ZBTB7C: variants seen among roughly 807,000 people sequenced by gnomAD.
ZBTB7C encodes the protein zinc finger and BTB domain containing 7C.
In ZBTB7C, 8 loss-of-function variants were observed where a neutral mutation model predicts 25.7. That is an observed-to-expected ratio of 0.31 (90% CI 0.18 to 0.56). ZBTB7C has a LOEUF of 0.56. ZBTB7C is among the 20% of genes least tolerant of loss of function. ZBTB7C has a pLI of 0.91. For synonymous variants in ZBTB7C, 394 were observed against 369.0 expected, an observed-to-expected ratio of 1.07 and a Z score of -0.78; for missense variants, 824 against 855.2, an observed-to-expected ratio of 0.96 and a Z score of 0.46.
chr18:48,047,653 C>T (rs1040955171), intron 3 of ZBTB7C, among the ~76,000 whole-genome samples: 10 of 152,168 alleles, frequency 6.6e-5, no homozygotes, highest in African/African-American at 9.7e-5. Flanking sequence ...AATGGCACTT[C>T]CCTCTCTGGG....
At chr18:48,204,036 G>T (rs1252191671) in intron 2 of ZBTB7C, among the ~76,000 whole-genome samples, 1 of 152,194 alleles carries the variant, frequency 6.6e-6, no homozygotes, top group East Asian at 1.9e-4. Context: ...GTGTGAAGCT[G>T]CTCTTGCACA....
At position 48,034,703 on chromosome 18, in the gene ZBTB7C, A is replaced by T. The variant is rs142887855; in HGVS notation, c.1209-4792T>A. On this transcript the variant is annotated intron_variant, in intron 4 of 4. Transcript: ENST00000590800. ...CCAATTTCAGAACTCTCCGACTACA[A>T]ATCCAACATGCTCCCCTCTGGCCCT... Among the ~76,000 whole-genome samples, 167 of 152,236 alleles carry T rather than the reference A, an allele frequency of 1.1e-3. 2 individuals carry two copies. Among genetic ancestry groups the T allele is most frequent in the African/African-American group, 3.8e-3 (156 of 41,534 alleles).
chr18:48,053,413 T>A (rs1179399908), intron 3 of ZBTB7C, among the ~76,000 whole-genome samples: 1 of 152,238 alleles, frequency 6.6e-6, no homozygotes, highest in Non-Finnish European at 1.5e-5. Flanking sequence ...ATTCTGAGAT[T>A]CCTTCACCTT....
chr18:48,087,935 C>T (rs2038257208), intron 3 of ZBTB7C: 2 of 151,004 alleles, frequency 1.3e-5, no homozygotes, highest in African/African-American at 4.9e-5. Context: ...TCTTTCCTTT[C>T]ACTCTTTAAA....
intron 2 of ZBTB7C, among the ~76,000 whole-genome samples, chr18:48,233,779 G>A (rs145025385): frequency 2.0e-5 from 3 of 152,204 alleles, no homozygotes; most frequent in Non-Finnish European, 4.4e-5. Flanking sequence ...AAAGGGAAAT[G>A]TTTAGGTAAA....
intron 3 of ZBTB7C, among the ~76,000 whole-genome samples, chr18:48,102,529 C>T (rs2038865984): frequency 3.5e-5 from 5 of 144,180 alleles, no homozygotes; most frequent in South Asian, 4.4e-4. Flanking sequence ...TGCTCCATTG[C>T]ACTCCAGGCT....
chr18:48,080,736 C>T (rs2037950566), intron 3 of ZBTB7C, among the ~76,000 whole-genome samples: 1 of 152,188 alleles, frequency 6.6e-6, no homozygotes, highest in Admixed American at 6.5e-5. Context: ...GCTGGGGCTG[C>T]ACACAGTGAG....
chr18:48,374,397 C>T (rs995687570), intron 1 of ZBTB7C: 14 of 152,236 alleles, frequency 9.2e-5, no homozygotes, highest in Admixed American at 6.5e-4. Context: ...CCCATCATCC[C>T]ACTGGGCTCT....
chr18:48,202,088 A>T (rs2042464264), intron 2 of ZBTB7C, among the ~76,000 whole-genome samples: 1 of 152,168 alleles, frequency 6.6e-6, no homozygotes, highest in Non-Finnish European at 1.5e-5. Context: ...TGGAGCAGGG[A>T]CTTTGCCTGG....
upstream of ZBTB7C, among the ~76,000 whole-genome samples, chr18:48,410,337 G>C (rs567888858): frequency 5.3e-5 from 8 of 152,152 alleles, no homozygotes; most frequent in South Asian, 6.2e-4. Flanking sequence ...CCCACACGCC[G>C]GGGAGCAGCC....
At chr18:48,058,099 T>C (rs1225477440) in intron 3 of ZBTB7C, among the ~76,000 whole-genome samples, 1 of 152,224 alleles carries the variant, frequency 6.6e-6, no homozygotes, top group Non-Finnish European at 1.5e-5. Context: ...GTCAGCACCA[T>C]CTGAGCTTCA....
chr18:48,069,942 T>C (rs764571277), intron 3 of ZBTB7C, among the ~76,000 whole-genome samples: 7 of 152,142 alleles, frequency 4.6e-5, no homozygotes, highest in African/African-American at 7.2e-5. Flanking sequence ...CTAGGCTCTT[T>C]ATGTACATGC....
chr18:48,327,451 AG>A (rs1436425248), intron 2 of ZBTB7C, among the ~76,000 whole-genome samples: 1 of 152,216 alleles, frequency 6.6e-6, no homozygotes, highest in African/African-American at 2.4e-5. Flanking sequence ...AGGAGATAGG[AG>A]TTCCAGCCCA....
intron 2 of ZBTB7C, among the ~76,000 whole-genome samples, chr18:48,254,606 T>C (rs1477421076): frequency 6.6e-6 from 1 of 152,216 alleles, no homozygotes; most frequent in Admixed American, 6.5e-5. Flanking sequence ...TGTGTGTCCA[T>C]GTCATTAATC....
chr18:48,247,728 A>G (rs1047764184), intron 2 of ZBTB7C, among the ~76,000 whole-genome samples: 1 of 151,644 alleles, frequency 6.6e-6, no homozygotes, highest in African/African-American at 2.4e-5. Context: ...AGGCTGAGGT[A>G]ATTGGATCAC....
chr18:48,202,476 G>T (rs1350415829), intron 2 of ZBTB7C, among the ~76,000 whole-genome samples: 2 of 151,842 alleles, frequency 1.3e-5, no homozygotes, highest in African/African-American at 4.8e-5. Context: ...AAACCAGGTG[G>T]GGGGCGGGGG....
chr18:48,089,065 G>T (rs2038306361), intron 3 of ZBTB7C, among the ~76,000 whole-genome samples: 1 of 152,168 alleles, frequency 6.6e-6, no homozygotes, highest in Non-Finnish European at 1.5e-5. Flanking sequence ...TCACACAGGA[G>T]AGAAAATTAT....
At position 48,350,343 on chromosome 18, in the gene ZBTB7C, C is replaced by T. The variant is rs531285447; in HGVS notation, c.-303-11945G>A. Among the ~76,000 whole-genome samples the T allele has an allele frequency of 6.6e-5, 10 of 152,318 alleles. No homozygotes were observed. In the South Asian group the frequency reaches 2.1e-3, roughly 32 times the overall value. On this transcript the variant is annotated intron_variant, in intron 1 of 4. Transcript: ENST00000590800. ...GGTGCACCTTCCTCCATCGTCAAAGCTAGAAGCATAGCATCTCTCTGAAGG... is the reference window on the plus strand; with the variant it reads ...GGTGCACCTTCCTCCATCGTCAAAGTTAGAAGCATAGCATCTCTCTGAAGG...
intron 3 of ZBTB7C, chr18:48,083,934 G>C: frequency 1.0e-6 from 1 of 980,530 alleles, no homozygotes; most frequent in Non-Finnish European, 1.2e-6. Context: ...GGTTGAAGCA[G>C]GCCTTTAAAC....
Sources: allele counts gnomAD v4.1 joint callset (sites outside exome capture counted in the v4.1 genomes callset), GRCh38; gene constraint gnomAD v4.1.1; transcripts MANE v1.5; gene names NCBI Gene and HGNC (gene_info 2026-07-23, HGNC 2026-07-21).